MRPL22: variants seen among roughly 807,000 people sequenced by gnomAD.
MRPL22 encodes the protein mitochondrial ribosomal protein L22, also known as large ribosomal subunit protein uL22m.
In MRPL22, 27 loss-of-function variants were observed where a neutral mutation model predicts 32.4. The ratio of observed to expected loss-of-function variants is 0.83; its 90% confidence interval spans 0.61 to 1.15. The LOEUF (loss-of-function observed/expected upper bound fraction) is 1.15, where lower values mean the gene tolerates loss of function less well. Among genes scored for constraint, MRPL22 ranks in the 50% most tolerant of loss-of-function variants. The pLI, the probability that MRPL22 is intolerant of heterozygous loss-of-function variation, is 0.00. For missense variants in MRPL22, 239 were observed against 260.2 expected (o/e 0.92, Z 0.56); for synonymous variants, 86 against 87.3 (o/e 0.99, Z 0.08).
chr5:154,962,034 C>G (rs963176345), intron 6 of MRPL22, among the ~76,000 whole-genome samples: 2 of 152,188 alleles, frequency 1.3e-5, no homozygotes, highest in African/African-American at 4.8e-5. Context: ...AAATCTCTGC[C>G]TTACCTGTAC....
At chr5:154,957,521 T>C (rs889870222) in intron 5 of MRPL22, among the ~76,000 whole-genome samples, 1 of 152,112 alleles carries the variant, frequency 6.6e-6, no homozygotes, top group African/African-American at 2.4e-5. Flanking sequence ...ATGTGTGTAT[T>C]TGTGTGTATG....
chr5:154,943,730 G>A (rs1010780381), intron 2 of MRPL22, among the ~76,000 whole-genome samples: 3 of 150,386 alleles, frequency 2.0e-5, no homozygotes, highest in Admixed American at 6.6e-5. Flanking sequence ...GCTGGAGTGC[G>A]GTATCATGAT....
chr5:154,956,289 TTAAA>T, intron 3 of MRPL22, 78 bp from the exon 4 acceptor site: 1 of 917,848 alleles, frequency 1.1e-6, no homozygotes, highest in Middle Eastern at 2.3e-4. Context: ...AAGTAAAAAC[TTAAA>T]TAACAGTATA....
chr5:154,953,847 C>A (rs147557412), intron 3 of MRPL22, among the ~76,000 whole-genome samples: 1 of 151,576 alleles, frequency 6.6e-6, no homozygotes, highest in African/African-American at 2.4e-5. Context: ...CCACCACGCC[C>A]GGCTAATTTT....
At chr5:154,953,499 A>C (rs948954522) in intron 3 of MRPL22, among the ~76,000 whole-genome samples, 1 of 151,964 alleles carries the variant, frequency 6.6e-6, no homozygotes, top group African/African-American at 2.4e-5. Context: ...ATGTTAAATA[A>C]ATGAAAAGTG....
At chr5:154,953,992 T>A (rs1006040589) in intron 3 of MRPL22, among the ~76,000 whole-genome samples, 2 of 108,620 alleles carry the variant, frequency 1.8e-5, no homozygotes, top group Non-Finnish European at 3.7e-5. Flanking sequence ...GGCCTAAAAC[T>A]TTTTTTTTTT....
At chr5:154,950,063 T>G (rs1240065177) in intron 2 of MRPL22, among the ~76,000 whole-genome samples, 1 of 152,200 alleles carries the variant, frequency 6.6e-6, no homozygotes, top group Non-Finnish European at 1.5e-5. Flanking sequence ...CTCACAGTTC[T>G]GCGTGGCTGG....
At chr5:154,959,939 C>A (rs759908478) in intron 5 of MRPL22, 41 bp from the exon 6 acceptor site, 5 of 1,410,150 alleles carry the variant, frequency 3.5e-6, no homozygotes, top group Non-Finnish European at 5.0e-6. Flanking sequence ...CATTTTACTT[C>A]AGGTTTAGCC....
chr5:154,954,162 G>T (rs1458121930), intron 3 of MRPL22, among the ~76,000 whole-genome samples: 1 of 151,556 alleles, frequency 6.6e-6, no homozygotes, highest in African/African-American at 2.4e-5. Context: ...GCTAATTTTT[G>T]TATTTTTAGT....
At chr5:154,948,160 C>T (rs963343584) in intron 2 of MRPL22, among the ~76,000 whole-genome samples, 4 of 152,120 alleles carry the variant, frequency 2.6e-5, no homozygotes, top group Admixed American at 1.3e-4. Flanking sequence ...GTATCCGTCA[C>T]CCAACTTCAA....
At chr5:154,966,333 A>T (rs1764765991) in intron 6 of MRPL22, among the ~76,000 whole-genome samples, 1 of 152,230 alleles carries the variant, frequency 6.6e-6, no homozygotes, top group Admixed American at 6.5e-5. Flanking sequence ...TGACACTCCC[A>T]GTCTGAAGTC....
intron 2 of MRPL22, among the ~76,000 whole-genome samples, chr5:154,949,615 T>C (rs2113534771): frequency 6.6e-6 from 1 of 152,306 alleles, no homozygotes; most frequent in Non-Finnish European, 1.5e-5. Context: ...GGTGACTAGC[T>C]CTGGCAGGAT....
At chr5:154,964,279 T>C (rs1033373693) in intron 6 of MRPL22, among the ~76,000 whole-genome samples, 6 of 152,198 alleles carry the variant, frequency 3.9e-5, no homozygotes, top group Non-Finnish European at 1.5e-5. Context: ...AAAAAATGTT[T>C]GTTGAGTGAA....
intron 4 of MRPL22, 156 bp from the exon 5 acceptor site, chr5:154,956,979 A>G (rs1281195286): frequency 3.3e-6 from 2 of 615,318 alleles, no homozygotes; most frequent in Non-Finnish European, 2.8e-6. Context: ...CTGAAAGAGA[A>G]TAGTGTCTCC....
At chr5:154,957,898 T>A (rs1228513996) in intron 5 of MRPL22, among the ~76,000 whole-genome samples, 1 of 151,426 alleles carries the variant, frequency 6.6e-6, no homozygotes, top group African/African-American at 2.4e-5. Flanking sequence ...ATTCTTTTTT[T>A]ATTACATATA....
Position 154,941,220 on chromosome 5 carries a change from C to G in MRPL22, c.32C>G (p.Ala11Gly). 6.2e-7 allele frequency: 1 copy of G among 1,613,764 alleles called. No homozygotes were observed. Among genetic ancestry groups the G allele is most frequent in the Non-Finnish European group, 8.5e-7 (1 of 1,180,000 alleles). ...ACGGCTTGTGTTGATGTTGCAGGTG[C>G]GTTATGGATACATAACCTGAGGAGC... Reference protein sequence around the residue: MAAAVLGQLGALWIHNLRSRG... With the variant: MAAAVLGQLGGLWIHNLRSRG... Residue 11 changes from alanine (A) to glycine (G), a missense_variant, in exon 2 of 7, where the codon GCG becomes GGG. Coordinates refer to ENST00000523037, the MANE Select transcript of MRPL22 (RefSeq NM_014180.4).
intron 6 of MRPL22, among the ~76,000 whole-genome samples, chr5:154,965,758 A>G (rs1348919573): frequency 6.6e-6 from 1 of 152,086 alleles, no homozygotes; most frequent in Non-Finnish European, 1.5e-5. Flanking sequence ...TACACTTTCA[A>G]GGTCAAATTT....
At chr5:154,951,164 G>A (rs1764556153) in intron 3 of MRPL22, among the ~76,000 whole-genome samples, 2 of 152,180 alleles carry the variant, frequency 1.3e-5, no homozygotes, top group South Asian at 4.1e-4. Flanking sequence ...CTAAAACTAA[G>A]CTAATAGTTT....
chr5:154,952,687 A>G (rs776487135), intron 3 of MRPL22, among the ~76,000 whole-genome samples: 3 of 152,194 alleles, frequency 2.0e-5, no homozygotes, highest in Non-Finnish European at 4.4e-5. Flanking sequence ...ATAAATACCT[A>G]ACTTACCAGA....
Sources: allele counts gnomAD v4.1 joint callset (sites outside exome capture counted in the v4.1 genomes callset), GRCh38; gene constraint gnomAD v4.1.1; transcripts MANE v1.5; gene names NCBI Gene and HGNC (gene_info 2026-07-23, HGNC 2026-07-21).